Variants in CCDC88A observed in about 807,000 individuals in gnomAD.
CCDC88A encodes coiled-coil and HOOK domain protein 88A.
CCDC88A carries 54 observed loss-of-function variants against 234.3 expected under a neutral mutation model. That is an observed-to-expected ratio of 0.23 (90% CI 0.19 to 0.29). The LOEUF is 0.29. Among genes scored for constraint, CCDC88A ranks in the 10% least tolerant of loss-of-function variants. The pLI, the probability that CCDC88A is intolerant of heterozygous loss-of-function variation, is 1.00. For missense variants in CCDC88A, 1,832 were observed against 2,123.4 expected (o/e 0.86, Z 2.70); for synonymous variants, 753 against 737.8 (o/e 1.02, Z -0.33).
At chr2:55,377,194 C>T (rs1420874701) in intron 3 of CCDC88A, among the ~76,000 whole-genome samples, 3 of 115,044 alleles carry the variant, frequency 2.6e-5, no homozygotes. Flanking sequence ...TCACTATAGA[C>T]TTTTTTTTTT....
At chr2:55,372,422 A>G in intron 5 of CCDC88A, 30 bp downstream of exon 5, 1 of 1,163,686 alleles carries the variant, frequency 8.6e-7, no homozygotes, top group South Asian at 1.4e-5. Flanking sequence ...GGTTGTTAAA[A>G]TGAAAATATG....
chr2:55,295,157 G>T (rs960557337), intron 31 of CCDC88A: 17 of 1,307,610 alleles, frequency 1.3e-5, no homozygotes, highest in Non-Finnish European at 1.7e-5. Flanking sequence ...ATGCAGAAGT[G>T]ACAAGATTGT....
At chr2:55,337,840 G>T (rs921153586) in intron 13 of CCDC88A, among the ~76,000 whole-genome samples, 2 of 151,676 alleles carry the variant, frequency 1.3e-5, no homozygotes, top group African/African-American at 4.8e-5. Flanking sequence ...ACCCTAGCTC[G>T]AAATACTACT....
At chr2:55,331,286 T>G (rs372679122) in intron 16 of CCDC88A, among the ~76,000 whole-genome samples, 17 of 152,212 alleles carry the variant, frequency 1.1e-4, no homozygotes, top group East Asian at 5.8e-4. Context: ...ATAAAAATAT[T>G]TCCTCATGAA....
chr2:55,299,643 C>G (rs901150951), intron 29 of CCDC88A, among the ~76,000 whole-genome samples, 196 bp downstream of exon 29: 3 of 152,150 alleles, frequency 2.0e-5, no homozygotes, highest in Admixed American at 2.0e-4. Context: ...AACTAAATAA[C>G]TGCTCCTGTT....
intron 7 of CCDC88A, 107 bp from the exon 8 acceptor site, chr2:55,355,858 T>G: frequency 1.3e-6 from 1 of 789,612 alleles, no homozygotes; most frequent in South Asian, 2.0e-5. Context: ...CAAAAACAAT[T>G]CACTGGTCAA....
chr2:55,410,883 G>T (rs1016464479), intron 2 of CCDC88A, among the ~76,000 whole-genome samples: 4 of 138,400 alleles, frequency 2.9e-5, no homozygotes, highest in African/African-American at 1.0e-4. Flanking sequence ...AGAGAGAGAG[G>T]CCTTGTCTCA....
At chr2:55,330,536 T>C (rs1684793201) in intron 16 of CCDC88A, among the ~76,000 whole-genome samples, 2 of 152,268 alleles carry the variant, frequency 1.3e-5, no homozygotes, top group Non-Finnish European at 2.9e-5. Context: ...GAGACTGATA[T>C]ACATAAATCC....
rs1041782128 is a variant in CCDC88A, at chr2:55,382,985, A to G, written c.273+5793T>C. Among the ~76,000 whole-genome samples, 6 of 152,212 alleles carry G rather than the reference A, an allele frequency of 3.9e-5. 1 individual carries two copies. The highest frequency in any genetic ancestry group is 3.3e-4 in the Admixed American group (5 of 15,276). Reference sequence around the variant, plus strand: ...CACTGTAGCACCAGTACCAGGTAGAATATCTGGCATTCAAGAAACGGGAGA... The same window carrying G: ...CACTGTAGCACCAGTACCAGGTAGAGTATCTGGCATTCAAGAAACGGGAGA... On this transcript the variant is annotated intron_variant, in intron 3 of 32. Transcript: ENST00000436346.
rs370518818 is a variant in CCDC88A, at chr2:55,334,259, T to G, written c.2562A>C (p.Glu854Asp). The G allele has an allele frequency of 1.6e-5, 23 of 1,440,110 alleles. No individual in the cohort carries two copies. The highest frequency in any genetic ancestry group is 2.1e-5 in the Non-Finnish European group (23 of 1,099,956). 89.2% of individuals were successfully genotyped at this position (1,440,110 alleles called of 1,614,324 possible). The change falls in exon 15 of 33, where the codon GAA becomes GAC. Residue 854 changes from glutamate (E) to aspartate (D), a missense_variant. Physicochemically the swap from Glu to Asp is conservative, Grantham distance 45. Around this residue, in one of 6 missense-constraint regions of CCDC88A, gnomAD observed 1,282 missense variants for 1,543.6 expected, o/e 0.83. Transcript: ENST00000436346. This position sits in a 1 kb window ranked among gnomAD's most constrained non-coding sequence, Gnocchi z 6.1. ...CCAAATTTCCAATCTTCACATTATT[T>G]TCTTCTAATGTGGTATCTTTAATTT... ...QAEIKDTTLE[E>D]NNVKIGNLEK...
chr2:55,418,789 T>C, intron 2 of CCDC88A, 27 bp downstream of exon 2: 1 of 1,556,506 alleles, frequency 6.4e-7, no homozygotes, highest in East Asian at 2.2e-5. Context: ...AAAGAAAACG[T>C]TACCTAGGAA....
chr2:55,388,022 AACAAT>A (rs1675985113), intron 3 of CCDC88A, among the ~76,000 whole-genome samples: 2 of 152,176 alleles, frequency 1.3e-5, no homozygotes, highest in Admixed American at 6.6e-5. Context: ...AAAAGATTGG[AACAAT>A]ACAATTAACA....
intron 8 of CCDC88A, chr2:55,350,602 T>C (rs1426963370): frequency 6.7e-6 from 1 of 148,554 alleles, no homozygotes; most frequent in Non-Finnish European, 1.5e-5. Context: ...CCATTATATA[T>C]TAATATATAT....
chr2:55,409,250 C>A (rs145539125), intron 2 of CCDC88A, among the ~76,000 whole-genome samples: 1 of 152,306 alleles, frequency 6.6e-6, no homozygotes, highest in Non-Finnish European at 1.5e-5. Flanking sequence ...CATCTTCATG[C>A]CTCTTTTTCA....
At chr2:55,379,623 T>C (rs948448867) in intron 3 of CCDC88A, among the ~76,000 whole-genome samples, 1 of 152,172 alleles carries the variant, frequency 6.6e-6, no homozygotes, top group African/African-American at 2.4e-5. Context: ...TGATAAATGC[T>C]AAGGATAAAA....
intron 9 of CCDC88A, chr2:55,348,641 A>G (rs1669493402): frequency 6.6e-6 from 1 of 152,202 alleles, no homozygotes; most frequent in Admixed American, 6.5e-5. Flanking sequence ...TATAATCCAC[A>G]TTAAACCAAT....
intron 31 of CCDC88A, chr2:55,292,040 T>G (rs1281870027): frequency 1.0e-5 from 3 of 286,712 alleles, no homozygotes; most frequent in Non-Finnish European, 1.9e-5. Flanking sequence ...ATAGCCTTAC[T>G]ATGTTTATTT....
intron 29 of CCDC88A, among the ~76,000 whole-genome samples, chr2:55,299,276 T>C (rs773238843): frequency 1.3e-5 from 2 of 152,156 alleles, no homozygotes; most frequent in Admixed American, 1.3e-4. Flanking sequence ...TCAGTCAAGG[T>C]TTCCAGACAT....
chr2:55,332,549 G>A lies in CCDC88A; in HGVS notation c.2855+17C>T. ...AAAAAAATTTTCAACTGTTTGCCAA[G>A]TAGACTTAGTACTCACCTGTCATCA... On this transcript the variant is annotated intron_variant, in intron 16 of 32. Coordinates refer to ENST00000436346, the MANE Select transcript of CCDC88A (RefSeq NM_001365480.1). The surrounding 1 kb of genome is among the most constrained non-coding windows in gnomAD (Gnocchi z 4.5). 1.3e-6 allele frequency: 2 copies of A among 1,586,604 alleles called. No homozygotes were observed. Among genetic ancestry groups the A allele is most frequent in the Non-Finnish European group, 1.7e-6 (2 of 1,169,910 alleles).
Sources: gnomAD v4.1 joint callset for allele counts (sites outside exome capture counted in the v4.1 genomes callset) on GRCh38, gnomAD v4.1.1 for gene constraint, gnomAD v4.1.1 regional missense constraint, Gnocchi (gnomAD v3.1) non-coding constraint, MANE v1.5 for transcripts, NCBI Gene and HGNC (gene_info 2026-07-23, HGNC 2026-07-21) for gene names.